LEKR1: variants seen among roughly 807,000 people sequenced by gnomAD.
The protein encoded by LEKR1 is protein LEKR1.
In LEKR1, 59 loss-of-function variants were observed where a neutral mutation model predicts 72.4. The observed-to-expected ratio is 0.82, with a 90% confidence interval of 0.66 to 1.01. The LOEUF is 1.01. LEKR1 is among the 50% of genes least tolerant of loss of function. LEKR1 has a pLI of 0.00. For synonymous variants in LEKR1, 257 were observed against 263.2 expected (o/e 0.98, Z 0.23); for missense variants, 728 against 759.2 (o/e 0.96, Z 0.48).
intron 12 of LEKR1, among the ~76,000 whole-genome samples, chr3:157,034,946 A>G (rs1734858686): frequency 6.6e-6 from 1 of 152,138 alleles, no homozygotes; most frequent in East Asian, 1.9e-4. Flanking sequence ...CTTTTAAGAA[A>G]TTGCTACTGC....
chr3:156,971,374 A>G (rs1243533327), intron 6 of LEKR1, among the ~76,000 whole-genome samples: 2 of 152,226 alleles, frequency 1.3e-5, no homozygotes, highest in Non-Finnish European at 2.9e-5. Context: ...TTGGACCTGA[A>G]ACCATAAAAA....
Position 156,849,170 on chromosome 3 carries a change from G to C in LEKR1, c.49-3598G>C, listed in dbSNP as rs544847789. ...CTCCCATTCACAATTGCTTCAAAGA[G>C]AATAAAATACCTAGGAATCCAACTT... On this transcript the variant is annotated intron_variant, in intron 2 of 12. Coordinates refer to ENST00000356539, the MANE Select transcript of LEKR1 (RefSeq NM_001004316.3). Among the ~76,000 whole-genome samples, 282 of 152,174 alleles carry C rather than the reference G, an allele frequency of 1.9e-3. 1 individual carries two copies. The highest frequency in any genetic ancestry group is 6.4e-3 in the African/African-American group (267 of 41,516).
intron 2 of LEKR1, among the ~76,000 whole-genome samples, chr3:156,832,172 CA>C (rs1370831283): frequency 6.6e-6 from 1 of 152,166 alleles, no homozygotes; most frequent in Non-Finnish European, 1.5e-5. Context: ...AGCTTTCACA[CA>C]GCACTTAAGT....
At chr3:156,921,176 G>A (rs1724160254) in intron 4 of LEKR1, 1 of 152,066 alleles carries the variant, frequency 6.6e-6, no homozygotes, top group Non-Finnish European at 1.5e-5. Flanking sequence ...GCGTTCTAAA[G>A]AAACTAAGAA....
At chr3:156,869,811 G>A (rs1415536540) in intron 3 of LEKR1, among the ~76,000 whole-genome samples, 1 of 151,902 alleles carries the variant, frequency 6.6e-6, no homozygotes, top group Non-Finnish European at 1.5e-5. Context: ...TTTTACCTAT[G>A]TTTTCTCATG....
chr3:156,924,345 T>A, intron 4 of LEKR1: 1 of 400,110 alleles, frequency 2.5e-6, no homozygotes, highest in Non-Finnish European at 4.4e-6. Flanking sequence ...ATTGTAAGAG[T>A]TCTTTCTATA....
intron 3 of LEKR1, among the ~76,000 whole-genome samples, chr3:156,918,443 C>G (rs1560078927): frequency 1.3e-5 from 2 of 152,010 alleles, no homozygotes; most frequent in Non-Finnish European, 2.9e-5. Context: ...TTCTCCTGTT[C>G]CTGGCCTGGA....
chr3:156,978,395 T>C (rs1729891242), intron 6 of LEKR1, among the ~76,000 whole-genome samples: 1 of 152,210 alleles, frequency 6.6e-6, no homozygotes, highest in Admixed American at 6.5e-5. Context: ...TGAACATTTT[T>C]TTTCTGGAGA....
At chr3:157,022,076 C>G (rs904304584) in intron 10 of LEKR1, among the ~76,000 whole-genome samples, 1 of 152,100 alleles carries the variant, frequency 6.6e-6, no homozygotes, top group African/African-American at 2.4e-5. Flanking sequence ...CCACCATACA[C>G]AGTGTTTAAG....
intron 9 of LEKR1, among the ~76,000 whole-genome samples, chr3:157,008,963 A>G (rs1447550227): frequency 6.6e-6 from 1 of 152,108 alleles, no homozygotes; most frequent in Non-Finnish European, 1.5e-5. Context: ...TAATAATTTC[A>G]TTATTGTTCA....
chr3:156,862,976 C>T (rs1254079329), intron 3 of LEKR1, among the ~76,000 whole-genome samples: 1 of 151,932 alleles, frequency 6.6e-6, no homozygotes, highest in Admixed American at 6.6e-5. Context: ...GGGAGGGAGA[C>T]GTTGGACAAA....
chr3:156,959,403 T>C (rs1446240200), intron 6 of LEKR1, among the ~76,000 whole-genome samples: 1 of 152,206 alleles, frequency 6.6e-6, no homozygotes, highest in East Asian at 1.9e-4. Context: ...GTTTATATAC[T>C]CTTTCCTATA....
chr3:156,831,875 T>C (rs1053363441), intron 2 of LEKR1, among the ~76,000 whole-genome samples: 27 of 152,240 alleles, frequency 1.8e-4, no homozygotes, highest in African/African-American at 6.5e-4. Context: ...AAGGCAAGAC[T>C]GAATTTGGTT....
At position 157,030,149 on chromosome 3, in the gene LEKR1, TG is replaced by T. The variant is rs1325597791; in HGVS notation, c.1668+1753del. Reference sequence around the variant, plus strand: ...AGTGCATCACATGGTGAGAGAGAGGTGGGGGGAGGTGCCACATTATTTTAAA... The same window carrying T: ...AGTGCATCACATGGTGAGAGAGAGGTGGGGGAGGTGCCACATTATTTTAAA... On this transcript the variant is annotated intron_variant, in intron 12 of 12. Transcript: ENST00000356539. Among the ~76,000 whole-genome samples the T allele has an allele frequency of 3.3e-5, 5 of 151,950 alleles. No individual in the cohort carries two copies. In the East Asian group the frequency reaches 5.8e-4, roughly 18 times the overall value.
chr3:156,993,053 G>C, intron 8 of LEKR1, 21 bp from the exon 9 acceptor site: 1 of 1,421,734 alleles, frequency 7.0e-7, no homozygotes, highest in Non-Finnish European at 9.7e-7. Flanking sequence ...GTTGGTGGGT[G>C]TTTTTCCTAT....
At chr3:156,862,410 G>A (rs1716876206) in intron 3 of LEKR1, among the ~76,000 whole-genome samples, 1 of 152,058 alleles carries the variant, frequency 6.6e-6, no homozygotes, top group South Asian at 2.1e-4. Flanking sequence ...GGCAGTGTAT[G>A]ATGTGGTATA....
At chr3:156,945,989 T>C (rs1327764909) in intron 6 of LEKR1, among the ~76,000 whole-genome samples, 2 of 151,766 alleles carry the variant, frequency 1.3e-5, no homozygotes, top group African/African-American at 4.8e-5. Flanking sequence ...CTGTGAAGAA[T>C]GACATTGGTA....
intron 10 of LEKR1, among the ~76,000 whole-genome samples, chr3:157,013,602 G>A (rs536070364): frequency 5.9e-5 from 9 of 151,942 alleles, no homozygotes; most frequent in Non-Finnish European, 7.4e-5. Context: ...ATTTCATTTC[G>A]TTGAAAGGGC....
chr3:157,033,110 A>T (rs1175081291), intron 12 of LEKR1, among the ~76,000 whole-genome samples: 1 of 152,140 alleles, frequency 6.6e-6, no homozygotes, highest in East Asian at 1.9e-4. Context: ...CCAGTCCTCC[A>T]TCTCTCTTCT....
Sources: gnomAD v4.1 joint callset for allele counts (sites outside exome capture counted in the v4.1 genomes callset) on GRCh38, gnomAD v4.1.1 for gene constraint, MANE v1.5 for transcripts, NCBI Gene and HGNC (gene_info 2026-07-23, HGNC 2026-07-21) for gene names.